HNRNPM: variants seen among roughly 807,000 people sequenced by gnomAD.
HNRNPM encodes heterogeneous nuclear ribonucleoprotein M, also known as CEA receptor.
In HNRNPM, 11 loss-of-function variants were observed where a neutral mutation model predicts 73.1. The ratio of observed to expected loss-of-function variants is 0.15; its 90% CI spans 0.09 to 0.25. The LOEUF is 0.25. HNRNPM is among the 10% of genes least tolerant of loss of function. HNRNPM has a pLI of 1.00. For synonymous variants in HNRNPM, 407 were observed against 355.2 expected (o/e 1.15, Z -1.64); for missense variants, 789 against 1,067.9 (o/e 0.74, Z 3.64).
In HNRNPM at chr19:8,485,814, C is replaced by A. The variant is rs750427819; in HGVS notation, c.1386C>A (p.Leu462=). The A allele has an allele frequency of 1.9e-6, 3 of 1,602,004 alleles. No homozygotes were observed. The South Asian group carries it at 3.3e-5, about 18-fold the overall frequency. The change falls in exon 14 of 16, where the codon CTC becomes CTA. Residue 462 remains leucine, a synonymous_variant. Coordinates refer to ENST00000325495, the MANE Select transcript of HNRNPM (RefSeq NM_005968.5). The stretch of plus-strand genomic sequence containing the variant: ...TTGAGCGCATGGGCCCGCTGGGCCT[C>A]GACCACATGGCCTCCAGCATTGAGC... ...SGIERMGPLG[L]DHMASSIERM... is the part of the protein sequence containing the mutation.
chr19:8,447,915 A>T (rs1442035331), intron 1 of HNRNPM, among the ~76,000 whole-genome samples: 1 of 152,056 alleles, frequency 6.6e-6, no homozygotes, highest in Non-Finnish European at 1.5e-5. Flanking sequence ...AGTCTCAGCC[A>T]CTGGGGAGGC....
chr19:8,466,801 C>T (rs1651875487), intron 7 of HNRNPM, among the ~76,000 whole-genome samples: 1 of 117,456 alleles, frequency 8.5e-6, no homozygotes, highest in African/African-American at 3.1e-5. Context: ...ACACCACCAG[C>T]CTGGGTGATA....
chr19:8,476,392 A>G (rs1221879257), intron 12 of HNRNPM, among the ~76,000 whole-genome samples: 1 of 152,128 alleles, frequency 6.6e-6, no homozygotes, highest in Non-Finnish European at 1.5e-5. Flanking sequence ...GAGTGTAGCC[A>G]TTATGGTCAT....
intron 2 of HNRNPM, among the ~76,000 whole-genome samples, chr19:8,455,943 C>CTTT (rs1366927942): frequency 4.0e-5 from 2 of 49,520 alleles, no homozygotes; most frequent in Non-Finnish European, 1.3e-4. Flanking sequence ...TCCTTTCTTT[C>CTTT]CTTTTTTTTT....
At chr19:8,480,671 A>G (rs1970852924) in intron 12 of HNRNPM, among the ~76,000 whole-genome samples, 1 of 151,594 alleles carries the variant, frequency 6.6e-6, no homozygotes, top group African/African-American at 2.4e-5. Flanking sequence ...TCAAAATTAA[A>G]AAAAAAAAAA....
chr19:8,445,359 C>T (rs1210128180), intron 1 of HNRNPM: 4 of 369,602 alleles, frequency 1.1e-5, no homozygotes, highest in Admixed American at 4.6e-5. Flanking sequence ...GGGCCAACCC[C>T]GTAGTCGAGG....
At chr19:8,453,910 A>G (rs938702550) in intron 1 of HNRNPM, among the ~76,000 whole-genome samples, 6 of 152,168 alleles carry the variant, frequency 3.9e-5, no homozygotes, top group Non-Finnish European at 7.3e-5. Flanking sequence ...TAGCACACAA[A>G]GGTAAAGAGT....
intron 9 of HNRNPM, among the ~76,000 whole-genome samples, chr19:8,471,094 C>G (rs1970095459): frequency 6.6e-6 from 1 of 151,858 alleles, no homozygotes; most frequent in Non-Finnish European, 1.5e-5. Context: ...GTTAACTTTC[C>G]CGTGTTGGTT....
chr19:8,483,014 T>C, intron 12 of HNRNPM, 144 bp from the exon 13 acceptor site: 1 of 615,384 alleles, frequency 1.6e-6, no homozygotes, highest in Non-Finnish European at 2.9e-6. Flanking sequence ...AAAATGATCT[T>C]GTCTGTGCGT....
At chr19:8,470,711 T>C (rs569590102) in intron 9 of HNRNPM, among the ~76,000 whole-genome samples, 2 of 152,196 alleles carry the variant, frequency 1.3e-5, no homozygotes, top group Non-Finnish European at 2.9e-5. Context: ...GTCAGCTCTT[T>C]TGGCTGTTTC....
At chr19:8,472,663 A>G (rs1201740414) in intron 10 of HNRNPM, among the ~76,000 whole-genome samples, 1 of 152,210 alleles carries the variant, frequency 6.6e-6, no homozygotes, top group Non-Finnish European at 1.5e-5. Flanking sequence ...ACCGCACTCA[A>G]TCTCTGCCTC....
At chr19:8,468,274 A>C (rs1199431454) in intron 8 of HNRNPM, among the ~76,000 whole-genome samples, 2 of 152,224 alleles carry the variant, frequency 1.3e-5, no homozygotes, top group South Asian at 4.1e-4. Context: ...TGATTCAGAC[A>C]GCTTTTAAAG....
intron 2 of HNRNPM, among the ~76,000 whole-genome samples, chr19:8,459,334 A>C (rs1490185485): frequency 6.6e-6 from 1 of 152,250 alleles, no homozygotes; most frequent in Non-Finnish European, 1.5e-5. Flanking sequence ...TTAGGGAAGC[A>C]GTAACGTTCT....
intron 12 of HNRNPM, among the ~76,000 whole-genome samples, chr19:8,474,737 CAG>C (rs1970386178): frequency 7.3e-6 from 1 of 137,680 alleles, no homozygotes; most frequent in African/African-American, 2.7e-5. Flanking sequence ...TTTTTTGAGA[CAG>C]GGTCTCACTC....
chr19:8,468,793 AAGG>A lies in HNRNPM; in HGVS notation c.857_859del (p.Gly286del), dbSNP rs1969936110. 6.2e-7 allele frequency: 1 copy of A among 1,613,636 alleles called. No homozygotes were observed. The highest frequency in any genetic ancestry group is 1.3e-5 in the African/African-American group (1 of 74,892). ...TTTCAGGATGAGAGGGCCTTACCAAAAGGAGATTTCTTCCCTCCTGAGCGTCCA... is the reference window on the plus strand; with the variant it reads ...TTTCAGGATGAGAGGGCCTTACCAAAAGATTTCTTCCCTCCTGAGCGTCCA... On this transcript the variant is annotated inframe_deletion, in exon 9 of 16. Coordinates refer to ENST00000325495, the MANE Select transcript of HNRNPM (RefSeq NM_005968.5).
chr19:8,481,275 A>G (rs562613281), intron 12 of HNRNPM, among the ~76,000 whole-genome samples: 1 of 152,224 alleles, frequency 6.6e-6, no homozygotes, highest in African/African-American at 2.4e-5. Flanking sequence ...TGTGCATCCA[A>G]GTGGCCTAGT....
rs1488519231 is a variant in HNRNPM, at chr19:8,468,819, C to T, written c.880C>T (p.Pro294Ser). Residue 294 changes from proline to serine, a missense_variant, in exon 9 of 16, where the codon CCA (proline) becomes TCA (serine). Coordinates refer to ENST00000325495, the MANE Select transcript of HNRNPM (RefSeq NM_005968.5). ...AGGAGATTTCTTCCCTCCTGAGCGT[C>T]CACAACAACTTCCCCGTAAGTGTTT... is the stretch of plus-strand genomic sequence containing the variant. Reference protein sequence around the residue: ...PKGDFFPPERPQQLPHGLGGI... With the variant: ...PKGDFFPPERSQQLPHGLGGI... 8 of 1,613,162 alleles carry T rather than the reference C, an allele frequency of 5.0e-6. No individual in the cohort carries two copies. The highest frequency in any genetic ancestry group is 1.3e-5 in the African/African-American group (1 of 74,882).
At chr19:8,461,552 T>C (rs1465297468) in intron 2 of HNRNPM, among the ~76,000 whole-genome samples, 1 of 152,240 alleles carries the variant, frequency 6.6e-6, no homozygotes, top group African/African-American at 2.4e-5. Flanking sequence ...GTGGTTGTCT[T>C]GATGGATTCT....
At chr19:8,445,424 G>GC in intron 1 of HNRNPM, 1 of 259,588 alleles carries the variant, frequency 3.9e-6, no homozygotes, top group Non-Finnish European at 7.3e-6. Context: ...GGACCGGAGA[G>GC]CCTCCGAGGC....
Sources: gnomAD v4.1 joint callset for allele counts (sites outside exome capture counted in the v4.1 genomes callset) on GRCh38, gnomAD v4.1.1 for gene constraint, MANE v1.5 for transcripts, NCBI Gene and HGNC (gene_info 2026-07-23, HGNC 2026-07-21) for gene names.